SULT1E1: variants seen among roughly 807,000 people sequenced by gnomAD.
SULT1E1 encodes the protein sulfotransferase 1E1.
In SULT1E1, 36 loss-of-function variants were observed where a neutral mutation model predicts 33.6. That is an observed-to-expected ratio of 1.07 (90% CI 0.82 to 1.41). The LOEUF is 1.41. Among genes scored for constraint, SULT1E1 ranks in the 40% most tolerant of loss-of-function variants. The pLI is 0.00. For synonymous variants in SULT1E1, 121 were observed against 111.7 expected, an observed-to-expected ratio of 1.08 and a Z score of -0.53; for missense variants, 371 against 345.7, an observed-to-expected ratio of 1.07 and a Z score of -0.58.
intron 4 of SULT1E1, among the ~76,000 whole-genome samples, chr4:69,849,904 T>G (rs1226215778): frequency 6.6e-6 from 1 of 151,956 alleles, no homozygotes; most frequent in Non-Finnish European, 1.5e-5. Context: ...GAGATTAAGC[T>G]GAAATTTAGT....
At chr4:69,830,374 C>T in the SULT1E1 span, among the ~76,000 whole-genome samples, 1 of 152,214 alleles carries the variant, frequency 6.6e-6, no homozygotes, top group Non-Finnish European at 1.5e-5. Flanking sequence ...CCTGGGCCTG[C>T]CCTATGAATG....
At chr4:69,837,848 G>C (rs1366140987), downstream of SULT1E1, among the ~76,000 whole-genome samples, 2 of 152,116 alleles carry the variant, frequency 1.3e-5, no homozygotes, top group Non-Finnish European at 2.9e-5. Flanking sequence ...AATATTTTAA[G>C]ACAGGTATCA....
the SULT1E1 span, among the ~76,000 whole-genome samples, chr4:69,830,248 C>G: frequency 6.6e-6 from 1 of 152,222 alleles, no homozygotes; most frequent in Non-Finnish European, 1.5e-5. Flanking sequence ...TTCAATTAGC[C>G]TCCCTCTTTG....
chr4:69,822,469 G>A, the SULT1E1 span, among the ~76,000 whole-genome samples: 2 of 152,200 alleles, frequency 1.3e-5, no homozygotes, highest in African/African-American at 4.8e-5. Flanking sequence ...TTAGCCAAAC[G>A]TGATGGCATG....
chr4:69,845,628 T>C (rs1424106800), intron 6 of SULT1E1, among the ~76,000 whole-genome samples: 1 of 151,314 alleles, frequency 6.6e-6, no homozygotes, highest in Non-Finnish European at 1.5e-5. Context: ...TTCTACTGGA[T>C]ACATTGTAGA....
chr4:69,849,660 C>A, intron 4 of SULT1E1, 97 bp from the exon 5 acceptor site: 1 of 1,087,200 alleles, frequency 9.2e-7, no homozygotes. Context: ...CAAATATAAA[C>A]ATAATACACA....
downstream of SULT1E1, among the ~76,000 whole-genome samples, chr4:69,840,780 C>T (rs1720865115): frequency 6.6e-6 from 1 of 152,220 alleles, no homozygotes; most frequent in Non-Finnish European, 1.5e-5. Flanking sequence ...GGCGCGGTGG[C>T]TCACGCCTGT....
At position 69,857,490 on chromosome 4, in the gene SULT1E1, A is replaced by G; in HGVS notation, c.145+10T>C. 1 of 1,587,650 alleles carries G rather than the reference A, an allele frequency of 6.3e-7. No individual in the cohort carries two copies. Among genetic ancestry groups the G allele is most frequent in the Non-Finnish European group, 8.5e-7 (1 of 1,172,610 alleles). On this transcript the variant is annotated intron_variant, in intron 2 of 7. Coordinates refer to ENST00000226444, the MANE Select transcript of SULT1E1 (RefSeq NM_005420.3). ...TTTTTAGGTGAAAAAAGAACAACAA[A>G]GAGATTTACCAGATTTAGGGTAGGT...
At chr4:69,821,180 ACT>A in the SULT1E1 span, among the ~76,000 whole-genome samples, 7 of 152,326 alleles carry the variant, frequency 4.6e-5, no homozygotes, top group Middle Eastern at 0.014. Flanking sequence ...CAGTTAAAAC[ACT>A]GTTTTTTAAT....
the SULT1E1 span, among the ~76,000 whole-genome samples, chr4:69,830,649 G>A: frequency 1.3e-3 from 191 of 152,316 alleles, 1 homozygote; most frequent in African/African-American, 4.2e-3. Flanking sequence ...CTGGCCCTGC[G>A]CATATGCCTG....
At chr4:69,846,068 T>C (rs1720970399) in intron 6 of SULT1E1, among the ~76,000 whole-genome samples, 1 of 150,664 alleles carries the variant, frequency 6.6e-6, no homozygotes, top group African/African-American at 2.4e-5. Flanking sequence ...TTTTTGGTGA[T>C]AGTAAAGGAT....
intron 5 of SULT1E1, 97 bp from the exon 6 acceptor site, chr4:69,847,889 T>C (rs916591876): frequency 4.0e-5 from 26 of 647,266 alleles, no homozygotes; most frequent in African/African-American, 4.0e-4. Context: ...TAAATATAAA[T>C]AGATAATCAT....
intron 6 of SULT1E1, among the ~76,000 whole-genome samples, chr4:69,845,251 A>G (rs1720950739): frequency 6.6e-6 from 1 of 151,996 alleles, no homozygotes; most frequent in African/African-American, 2.4e-5. Context: ...TACAGTAGAC[A>G]ATAATTTATT....
At chr4:69,825,527 G>A in the SULT1E1 span, among the ~76,000 whole-genome samples, 5 of 152,122 alleles carry the variant, frequency 3.3e-5, no homozygotes, top group African/African-American at 1.2e-4. Flanking sequence ...CCAGTTAAAA[G>A]CAACTAGCAT....
downstream of SULT1E1, among the ~76,000 whole-genome samples, chr4:69,838,210 C>CT (rs1187337324): frequency 6.6e-6 from 1 of 151,880 alleles, no homozygotes; most frequent in East Asian, 1.9e-4. Flanking sequence ...TGTTATTAAT[C>CT]TTTTTTTGAG....
chr4:69,835,235 G>A, the SULT1E1 span, among the ~76,000 whole-genome samples: 59 of 152,172 alleles, frequency 3.9e-4, no homozygotes, highest in South Asian at 8.5e-3. Flanking sequence ...ATTTGGGTAC[G>A]TATCCTTTAT....
intron 4 of SULT1E1, 105 bp from the exon 5 acceptor site, chr4:69,849,668 A>G: frequency 1.9e-6 from 2 of 1,052,920 alleles, no homozygotes; most frequent in Non-Finnish European, 2.7e-6. Context: ...AACATAATAC[A>G]CATTAATTTT....
the SULT1E1 span, among the ~76,000 whole-genome samples, chr4:69,828,329 C>A: frequency 0.012 from 1,851 of 152,282 alleles, 50 homozygotes; most frequent in African/African-American, 0.042. Context: ...TCCTCACTAC[C>A]TTTAAGAGCT....
At chr4:69,849,315 C>A (rs946633579) in intron 5 of SULT1E1, 122 bp downstream of exon 5, 4 of 1,225,774 alleles carry the variant, frequency 3.3e-6, no homozygotes, top group Admixed American at 2.6e-5. Flanking sequence ...CTTTAGATTT[C>A]TGTGTTTTAA....
Sources: allele counts gnomAD v4.1 joint callset (sites outside exome capture counted in the v4.1 genomes callset), GRCh38; gene constraint gnomAD v4.1.1; transcripts MANE v1.5; gene names NCBI Gene and HGNC (gene_info 2026-07-23, HGNC 2026-07-21).